Variants in CFAP299 observed in about 807,000 individuals in gnomAD.
CFAP299 encodes the protein cilia- and flagella-associated protein 299.
Under a neutral mutation model 27.0 loss-of-function variants are expected in CFAP299, and 21 were observed. The observed-to-expected ratio is 0.78, with a 90% CI of 0.55 to 1.12. CFAP299 has a LOEUF of 1.12. Among genes scored for constraint, CFAP299 ranks in the 50% most tolerant of loss-of-function variants. CFAP299 has a pLI of 0.00. For missense variants in CFAP299, 310 were observed against 276.6 expected (o/e 1.12, Z -0.86); for synonymous variants, 104 against 98.1 (o/e 1.06, Z -0.36).
chr4:80,427,137 C>G (rs1212049704), intron 2 of CFAP299, among the ~76,000 whole-genome samples: 1 of 152,148 alleles, frequency 6.6e-6, no homozygotes, highest in Non-Finnish European at 1.5e-5. Flanking sequence ...ATAGTAATCT[C>G]TCATTTTTCT....
At chr4:80,820,618 G>C (rs1479781484) in intron 3 of CFAP299, among the ~76,000 whole-genome samples, 1 of 152,076 alleles carries the variant, frequency 6.6e-6, no homozygotes, top group Non-Finnish European at 1.5e-5. Context: ...GATTGTAGTA[G>C]TTTTAAGCAG....
At chr4:80,677,484 AAAT>A (rs368824150) in intron 3 of CFAP299, among the ~76,000 whole-genome samples, 49 of 152,178 alleles carry the variant, frequency 3.2e-4, no homozygotes, top group African/African-American at 1.1e-3. Flanking sequence ...GTTTACATAA[AAAT>A]AATGTCATCT....
chr4:80,518,522 G>A (rs191168326), intron 2 of CFAP299, among the ~76,000 whole-genome samples: 57 of 152,228 alleles, frequency 3.7e-4, no homozygotes, highest in African/African-American at 1.3e-3. Flanking sequence ...CAGTAAAGGT[G>A]CTCAGAATGC....
chr4:80,591,479 A>G (rs1736790154), intron 3 of CFAP299, among the ~76,000 whole-genome samples: 1 of 152,178 alleles, frequency 6.6e-6, no homozygotes, highest in Non-Finnish European at 1.5e-5. Flanking sequence ...GAAGAGGTCG[A>G]ACTTTGGCGT....
At chr4:80,799,212 A>ATC (rs1469219174) in intron 3 of CFAP299, among the ~76,000 whole-genome samples, 1 of 111,966 alleles carries the variant, frequency 8.9e-6, no homozygotes, top group Non-Finnish European at 1.7e-5. Context: ...TTATATATAT[A>ATC]TTGTATAAAT....
chr4:80,671,429 A>G (rs182834696), intron 3 of CFAP299, among the ~76,000 whole-genome samples: 184 of 152,292 alleles, frequency 1.2e-3, no homozygotes, highest in South Asian at 3.1e-3. Context: ...AGGTAGTGTG[A>G]TGCCTCCAGC....
At chr4:80,822,817 T>C (rs1729776684) in intron 3 of CFAP299, among the ~76,000 whole-genome samples, 1 of 152,220 alleles carries the variant, frequency 6.6e-6, no homozygotes, top group Admixed American at 6.5e-5. Context: ...AGTAATCTTC[T>C]GTAAGAAAAA....
chr4:80,512,474 T>C (rs1359841603), intron 2 of CFAP299, among the ~76,000 whole-genome samples: 1 of 152,068 alleles, frequency 6.6e-6, no homozygotes, highest in Non-Finnish European at 1.5e-5. Context: ...CCTAAGGACT[T>C]ATATTTTGGA....
intron 1 of CFAP299, among the ~76,000 whole-genome samples, chr4:80,344,077 AC>A (rs1469328680): frequency 1.3e-5 from 2 of 152,168 alleles, no homozygotes; most frequent in Non-Finnish European, 2.9e-5. Flanking sequence ...TGACAACACA[AC>A]TAAAAGAACC....
intron 2 of CFAP299, among the ~76,000 whole-genome samples, chr4:80,471,148 G>A (rs552280036): frequency 6.6e-6 from 1 of 152,054 alleles, no homozygotes; most frequent in Non-Finnish European, 1.5e-5. Context: ...TAGATTGTCA[G>A]CTAAATTATG....
intron 3 of CFAP299, among the ~76,000 whole-genome samples, chr4:80,598,841 AAG>A (rs1737186407): frequency 6.6e-6 from 1 of 152,222 alleles, no homozygotes. Context: ...AAGAAATCGT[AAG>A]AGAATACACC....
intron 3 of CFAP299, among the ~76,000 whole-genome samples, chr4:80,771,998 G>GACC (rs1726245968): frequency 6.6e-6 from 1 of 152,186 alleles, no homozygotes; most frequent in African/African-American, 2.4e-5. Flanking sequence ...CACTAGCCAT[G>GACC]ACTGCCACGT....
At chr4:80,658,458 T>C (rs1047189648) in intron 3 of CFAP299, among the ~76,000 whole-genome samples, 4 of 152,212 alleles carry the variant, frequency 2.6e-5, no homozygotes, top group African/African-American at 9.6e-5. Flanking sequence ...TTGAATTTTT[T>C]CGAAGGTCTT....
chr4:80,566,504 G>A (rs1047022017), intron 2 of CFAP299, among the ~76,000 whole-genome samples: 2 of 151,958 alleles, frequency 1.3e-5, no homozygotes, highest in Admixed American at 6.6e-5. Flanking sequence ...ACAGTTTCCA[G>A]GTATTTATTT....
At chr4:80,658,898 C>T (rs1394046053) in intron 3 of CFAP299, among the ~76,000 whole-genome samples, 2 of 152,096 alleles carry the variant, frequency 1.3e-5, no homozygotes, top group Non-Finnish European at 2.9e-5. Flanking sequence ...TCTACTGCTG[C>T]ATTTCATAAT....
At chr4:80,602,056 A>G (rs989150203) in intron 3 of CFAP299, among the ~76,000 whole-genome samples, 11 of 152,186 alleles carry the variant, frequency 7.2e-5, no homozygotes, top group Non-Finnish European at 1.3e-4. Flanking sequence ...ACTGGGGTCT[A>G]TCACAGAGTG....
chr4:80,480,611 A>C (rs1730515676), intron 2 of CFAP299, among the ~76,000 whole-genome samples: 1 of 152,056 alleles, frequency 6.6e-6, no homozygotes. Flanking sequence ...CTTATTTTCA[A>C]GGCCTAATTA....
intron 2 of CFAP299, among the ~76,000 whole-genome samples, chr4:80,417,306 C>T (rs1465473390): frequency 2.0e-5 from 3 of 152,170 alleles, no homozygotes; most frequent in East Asian, 1.9e-4. Context: ...TTACCACAAC[C>T]TGTTTTATCA....
chr4:80,412,318 A>G (rs893277079), intron 2 of CFAP299, among the ~76,000 whole-genome samples: 1 of 152,076 alleles, frequency 6.6e-6, no homozygotes, highest in African/African-American at 2.4e-5. Flanking sequence ...AAGCATTATA[A>G]TTCAAATATA....
Sources: gnomAD v4.1 joint callset for allele counts (sites outside exome capture counted in the v4.1 genomes callset) on GRCh38, gnomAD v4.1.1 for gene constraint, MANE v1.5 for transcripts, NCBI Gene and HGNC (gene_info 2026-07-23, HGNC 2026-07-21) for gene names.